DDR2: variants seen among roughly 807,000 people sequenced by gnomAD.
DDR2 encodes discoidin domain-containing receptor 2.
In DDR2, 27 loss-of-function variants were observed where a neutral mutation model predicts 94.9. The ratio of observed to expected loss-of-function variants is 0.28; its 90% CI spans 0.21 to 0.39. The LOEUF (loss-of-function observed/expected upper bound fraction) is 0.39, where lower values mean the gene tolerates loss of function less well. DDR2 is among the 10% of genes least tolerant of loss of function. The pLI is 1.00. For synonymous variants in DDR2, 382 were observed against 377.2 expected (o/e 1.01, Z -0.15); for missense variants, 783 against 1,076.0 (o/e 0.73, Z 3.81).
chr1:162,639,122 T>A (rs1007542632), intron 1 of DDR2, among the ~76,000 whole-genome samples: 15 of 152,118 alleles, frequency 9.9e-5, no homozygotes, highest in Non-Finnish European at 2.2e-4. Flanking sequence ...TGCACCACCA[T>A]GACTGGCCTC....
intron 16 of DDR2, among the ~76,000 whole-genome samples, chr1:162,777,074 T>A (rs934624418): frequency 1.3e-5 from 2 of 152,174 alleles, no homozygotes; most frequent in Admixed American, 1.3e-4. Context: ...TTTTGTTCAT[T>A]TATGATTAAT....
upstream of DDR2, among the ~76,000 whole-genome samples, chr1:162,630,934 A>C (rs1656527475): frequency 6.6e-6 from 1 of 152,170 alleles, no homozygotes; most frequent in Non-Finnish European, 1.5e-5. Flanking sequence ...TGATCTCTGC[A>C]GTGTCTTTTC....
At chr1:162,765,603 T>A (rs1331072598) in intron 9 of DDR2, among the ~76,000 whole-genome samples, 1 of 151,956 alleles carries the variant, frequency 6.6e-6, no homozygotes, top group African/African-American at 2.4e-5. Flanking sequence ...ATAAACAATC[T>A]AATATCCTTG....
chr1:162,763,723 T>C (rs1663866038), intron 9 of DDR2, among the ~76,000 whole-genome samples: 1 of 152,148 alleles, frequency 6.6e-6, no homozygotes, highest in Non-Finnish European at 1.5e-5. Flanking sequence ...ACTAATAGGT[T>C]GTCATTGTTT....
chr1:162,639,106 C>T (rs1282571209), intron 1 of DDR2, among the ~76,000 whole-genome samples: 2 of 152,138 alleles, frequency 1.3e-5, no homozygotes, highest in African/African-American at 4.8e-5. Flanking sequence ...GCTGGGATTA[C>T]AGACATGCAC....
At chr1:162,691,799 C>T (rs1237473208) in intron 2 of DDR2, among the ~76,000 whole-genome samples, 1 of 152,206 alleles carries the variant, frequency 6.6e-6, no homozygotes, top group Non-Finnish European at 1.5e-5. Flanking sequence ...CTACCAATAT[C>T]TACTTTTGAA....
chr1:162,760,252 C>T (rs903256566), intron 8 of DDR2, among the ~76,000 whole-genome samples: 2 of 151,760 alleles, frequency 1.3e-5, no homozygotes, highest in African/African-American at 4.8e-5. Flanking sequence ...ACACAGTGTC[C>T]AGGGCCCACA....
chr1:162,696,551 G>A (rs1476074726), intron 2 of DDR2, among the ~76,000 whole-genome samples: 1 of 151,460 alleles, frequency 6.6e-6, no homozygotes, highest in African/African-American at 2.4e-5. Flanking sequence ...GGCTTTCATC[G>A]CTGCCTCCTT....
intron 4 of DDR2, 111 bp downstream of exon 4, chr1:162,753,308 T>C (rs1297109933): frequency 1.0e-6 from 1 of 982,834 alleles, no homozygotes; most frequent in African/African-American, 1.6e-5. Flanking sequence ...CAGGAACTGT[T>C]GAGAAATGAA....
intron 3 of DDR2, among the ~76,000 whole-genome samples, chr1:162,729,525 G>A (rs1179723344): frequency 1.4e-5 from 2 of 147,438 alleles, no homozygotes; most frequent in African/African-American, 4.9e-5. Flanking sequence ...AAAAATTTAT[G>A]CAACTTTTTT....
At chr1:162,654,380 A>G (rs903449546) in intron 1 of DDR2, among the ~76,000 whole-genome samples, 4 of 152,090 alleles carry the variant, frequency 2.6e-5, no homozygotes, top group African/African-American at 9.7e-5. Context: ...TGGGGGTTCA[A>G]GGCTGTAGTG....
At chr1:162,718,995 C>T in intron 2 of DDR2, 42 bp from the exon 3 acceptor site, 3 of 1,591,348 alleles carry the variant, frequency 1.9e-6, no homozygotes, top group East Asian at 4.5e-5. Flanking sequence ...CTCATTTCCT[C>T]TCCTTCTCTT....
At chr1:162,695,153 T>A (rs1273339119) in intron 2 of DDR2, among the ~76,000 whole-genome samples, 1 of 152,252 alleles carries the variant, frequency 6.6e-6, no homozygotes, top group African/African-American at 2.4e-5. Context: ...TTCCAATTTA[T>A]TACAGTCCCT....
chr1:162,635,503 T>C (rs1656770786), intron 1 of DDR2, among the ~76,000 whole-genome samples: 1 of 152,136 alleles, frequency 6.6e-6, no homozygotes, highest in Non-Finnish European at 1.5e-5. Context: ...ACAGACATGC[T>C]AACATTCTTG....
Position 162,780,548 on chromosome 1 carries a change from T to C in DDR2, c.*302T>C, listed in dbSNP as rs903264634. On this transcript the variant is annotated 3_prime_UTR_variant, in exon 18 of 18. Coordinates refer to ENST00000367921, the MANE Select transcript of DDR2 (RefSeq NM_006182.4). ...AACAAAGGCTAGAAAATTCAGATAATTTATAAAGGTTAACTATACTTGTGC... is the reference window on the plus strand; with the variant it reads ...AACAAAGGCTAGAAAATTCAGATAACTTATAAAGGTTAACTATACTTGTGC... The C allele has an allele frequency of 2.9e-5, 10 of 350,290 alleles. No individual in the cohort carries two copies. Among genetic ancestry groups the C allele is most frequent in the African/African-American group, 1.9e-4 (9 of 48,234 alleles). The allele number at this position is 350,290 out of a possible 1,614,324, so 21.7% of individuals were successfully genotyped here.
chr1:162,753,110 C>A lies in DDR2; in HGVS notation c.98C>A (p.Pro33His). The stretch of plus-strand genomic sequence containing the variant: ...CTTGGTCTAGCTATATGCCGCTATC[C>A]TCTGGGCATGTCAGGAGGCCAGATT... Reference protein sequence around the residue: ...AQVNPAICRYPLGMSGGQIPD... With the variant: ...AQVNPAICRYHLGMSGGQIPD... Residue 33 changes from proline (P) to histidine (H), a missense_variant, in exon 4 of 18, where the codon CCT becomes CAT. Physicochemically the swap from Pro to His is moderately conservative, Grantham distance 77 (BLOSUM62 -2). Transcript: ENST00000367921. 1 of 1,613,514 alleles carries A rather than the reference C, an allele frequency of 6.2e-7. No homozygotes were observed. The highest frequency in any genetic ancestry group is 8.5e-7 in the Non-Finnish European group (1 of 1,179,662).
chr1:162,632,740 G>A (rs947877627), intron 1 of DDR2, 109 bp downstream of exon 1: 1 of 152,150 alleles, frequency 6.6e-6, no homozygotes, highest in Admixed American at 6.5e-5. Context: ...GGAAACAGAA[G>A]GGCGTTTTAA....
At chr1:162,670,062 C>T (rs1310055035) in intron 2 of DDR2, among the ~76,000 whole-genome samples, 2 of 152,148 alleles carry the variant, frequency 1.3e-5, no homozygotes. Context: ...TTTAAGTTCT[C>T]CCTGTAATTT....
At chr1:162,764,392 T>TAA (rs375251287) in intron 9 of DDR2, among the ~76,000 whole-genome samples, 1,538 of 122,478 alleles carry the variant, frequency 0.013, 16 homozygotes, top group African/African-American at 0.02. Flanking sequence ...CAGAATGCTT[T>TAA]AAAAAAAAAA....
Sources: allele counts gnomAD v4.1 joint callset (sites outside exome capture counted in the v4.1 genomes callset), GRCh38; gene constraint gnomAD v4.1.1; transcripts MANE v1.5; gene names NCBI Gene and HGNC (gene_info 2026-07-23, HGNC 2026-07-21).